Variants in CTNNBL1 observed in about 807,000 individuals in gnomAD.
CTNNBL1 encodes beta-catenin-like protein 1.
A neutral mutation model predicts 72.7 loss-of-function variants in CTNNBL1; 31 were observed. The ratio of observed to expected loss-of-function variants is 0.43; its 90% confidence interval spans 0.32 to 0.58. CTNNBL1 has a LOEUF of 0.58. Among genes scored for constraint, CTNNBL1 ranks in the 20% least tolerant of loss-of-function variants. CTNNBL1 has a pLI of 0.08. For missense variants in CTNNBL1, 534 were observed against 725.1 expected (o/e 0.74, Z 3.03); for synonymous variants, 240 against 267.3 (o/e 0.90, Z 1.00).
intron 1 of CTNNBL1, among the ~76,000 whole-genome samples, chr20:37,728,433 G>A (rs575309090): frequency 4.5e-4 from 69 of 152,244 alleles, no homozygotes; most frequent in African/African-American, 1.5e-3. Flanking sequence ...GTTCTAGATT[G>A]TTAAGCTCTG....
chr20:37,750,058 A>G (rs1429805950), intron 4 of CTNNBL1: 1 of 152,254 alleles, frequency 6.6e-6, no homozygotes, highest in Non-Finnish European at 1.5e-5. Flanking sequence ...TCCTCTGTGA[A>G]AACATAAACT....
chr20:37,718,754 G>C (rs1184083048), intron 1 of CTNNBL1, among the ~76,000 whole-genome samples: 1 of 152,260 alleles, frequency 6.6e-6, no homozygotes, highest in Non-Finnish European at 1.5e-5. Flanking sequence ...ACTGCAGAAG[G>C]AACTCACCTG....
At chr20:37,800,715 C>T (rs2073816889) in intron 10 of CTNNBL1, among the ~76,000 whole-genome samples, 1 of 152,202 alleles carries the variant, frequency 6.6e-6, no homozygotes, top group Non-Finnish European at 1.5e-5. Flanking sequence ...TGTTGAATTG[C>T]ATCCACTTTA....
intron 10 of CTNNBL1, among the ~76,000 whole-genome samples, chr20:37,783,309 A>G (rs943667110): frequency 1.3e-5 from 2 of 151,018 alleles, no homozygotes; most frequent in African/African-American, 4.9e-5. Context: ...ATCTTTTGAA[A>G]CCTAACTTTT....
At chr20:37,757,678 G>T in intron 5 of CTNNBL1, 22 bp downstream of exon 5, 1 of 1,586,808 alleles carries the variant, frequency 6.3e-7, no homozygotes, top group African/African-American at 1.3e-5. Context: ...ATCCTCTGGG[G>T]TTTTGCAGGT....
intron 4 of CTNNBL1, chr20:37,756,481 TGTGA>T: frequency 6.6e-6 from 1 of 152,128 alleles, no homozygotes; most frequent in Non-Finnish European, 1.5e-5. Context: ...TGTGTGTGTG[TGTGA>T]GAGAGAGAGA....
chr20:37,856,076 A>C (rs1404301580), intron 13 of CTNNBL1, among the ~76,000 whole-genome samples: 1 of 152,058 alleles, frequency 6.6e-6, no homozygotes, highest in Admixed American at 6.6e-5. Context: ...ATCTCTACTA[A>C]AAATACAAAA....
In CTNNBL1 at chr20:37,861,697, G is replaced by T. The variant is rs114550576; in HGVS notation, c.1603+1353G>T. Reference sequence around the variant, plus strand: ...GTGGGCTCTAGGGTCAGAGGCTTGTGGATCCAAATCTTGGCTCTGTTGTTT... The same window carrying T: ...GTGGGCTCTAGGGTCAGAGGCTTGTTGATCCAAATCTTGGCTCTGTTGTTT... On this transcript the variant is annotated intron_variant, in intron 15 of 15. Coordinates refer to ENST00000361383, the MANE Select transcript of CTNNBL1 (RefSeq NM_030877.5). Among the ~76,000 whole-genome samples, 251 of 152,298 alleles carry T rather than the reference G, an allele frequency of 1.6e-3. 1 individual carries two copies. Among genetic ancestry groups the T allele is most frequent in the African/African-American group, 5.8e-3 (241 of 41,564 alleles).
chr20:37,797,003 A>G (rs992970430), intron 10 of CTNNBL1, among the ~76,000 whole-genome samples: 2 of 152,206 alleles, frequency 1.3e-5, no homozygotes, highest in Admixed American at 6.5e-5. Flanking sequence ...GAGCCGGCTC[A>G]TGTAGGTTCA....
At chr20:37,827,924 C>T (rs147895946) in intron 11 of CTNNBL1, among the ~76,000 whole-genome samples, 79 of 152,286 alleles carry the variant, frequency 5.2e-4, no homozygotes, top group African/African-American at 1.8e-3. Flanking sequence ...GCAGCCCACC[C>T]CATGCCATGT....
chr20:37,818,721 A>C (rs1054912499), intron 11 of CTNNBL1, among the ~76,000 whole-genome samples: 20 of 152,244 alleles, frequency 1.3e-4, no homozygotes, highest in Non-Finnish European at 2.2e-4. Flanking sequence ...CACAGGAATC[A>C]GAATAACTTC....
chr20:37,738,734 G>T (rs1176833406), intron 3 of CTNNBL1, among the ~76,000 whole-genome samples: 2 of 152,200 alleles, frequency 1.3e-5, no homozygotes, highest in Non-Finnish European at 2.9e-5. Flanking sequence ...GGGGGCTATT[G>T]AGGGTGTCAC....
intron 15 of CTNNBL1, among the ~76,000 whole-genome samples, chr20:37,862,320 C>T (rs964954751): frequency 2.6e-5 from 4 of 152,152 alleles, no homozygotes; most frequent in Non-Finnish European, 1.5e-5. Context: ...TCTTATTACC[C>T]TCAGCTCTAC....
chr20:37,818,337 C>T (rs1247102822), intron 11 of CTNNBL1, among the ~76,000 whole-genome samples: 1 of 152,154 alleles, frequency 6.6e-6, no homozygotes, highest in African/African-American at 2.4e-5. Context: ...AATAGACTTC[C>T]AGTCAACTTT....
chr20:37,871,995 C>G lies in CTNNBL1; in HGVS notation c.1674C>G (p.Gly558=). ...AGAACGAGCAAAAGCGCATCCTGGG[C>G]TTGCTGGAGAACTTCTAGAGGCACC... is the stretch of plus-strand genomic sequence containing the variant. ...FRENEQKRIL[G]LLENF Residue 558 remains glycine, a synonymous_variant, in exon 16 of 16, where the codon GGC becomes GGG. Coordinates refer to ENST00000361383, the MANE Select transcript of CTNNBL1 (RefSeq NM_030877.5). The G allele has an allele frequency of 6.2e-7, 1 of 1,614,090 alleles. No homozygotes were observed.
At chr20:37,711,005 A>G (rs2072932537) in intron 1 of CTNNBL1, among the ~76,000 whole-genome samples, 1 of 152,078 alleles carries the variant, frequency 6.6e-6, no homozygotes, top group South Asian at 2.1e-4. Context: ...CCCAGAGTCT[A>G]TTATTAAGGG....
chr20:37,858,625 A>G (rs976867018), intron 13 of CTNNBL1, among the ~76,000 whole-genome samples: 1 of 152,184 alleles, frequency 6.6e-6, no homozygotes, highest in African/African-American at 2.4e-5. Flanking sequence ...GATGTTAAAA[A>G]TTGATTGCAC....
Position 37,809,224 on chromosome 20 carries a change from A to T in CTNNBL1, c.1213+6176A>T, listed in dbSNP as rs1034570775. On this transcript the variant is annotated intron_variant, in intron 11 of 15. Transcript: ENST00000361383. ...ATATTTACCACAAAACTATATTACA[A>T]TTACAAAGACATACTAGACAAGAAT... Among the ~76,000 whole-genome samples, 3 of 152,342 alleles carry T rather than the reference A, an allele frequency of 2.0e-5. No homozygotes were observed. In the South Asian group the frequency reaches 6.2e-4, roughly 32 times the overall value.
At position 37,705,130 on chromosome 20, in the gene CTNNBL1, A is replaced by G. The variant is rs115438666; in HGVS notation, c.30+10978A>G. Among the ~76,000 whole-genome samples the G allele has an allele frequency of 5.9e-3, 905 of 152,354 alleles. 6 individuals are homozygous for G. Among genetic ancestry groups the G allele is most frequent in the African/African-American group, 0.021 (861 of 41,590 alleles). ...CATCCCTTAATGTTTAGCTTAGTGC[A>G]TGAACATGAACTCTGGGTCAGATGG... On this transcript the variant is annotated intron_variant, in intron 1 of 15. Coordinates refer to ENST00000361383, the MANE Select transcript of CTNNBL1 (RefSeq NM_030877.5).
Sources: gnomAD v4.1 joint callset for allele counts (sites outside exome capture counted in the v4.1 genomes callset) on GRCh38, gnomAD v4.1.1 for gene constraint, MANE v1.5 for transcripts, NCBI Gene and HGNC (gene_info 2026-07-23, HGNC 2026-07-21) for gene names.